RSF1: variants seen among roughly 807,000 people sequenced by gnomAD.
RSF1 encodes HBV pX-associated protein 8.
RSF1 carries 13 observed loss-of-function variants against 145.2 expected under a neutral mutation model. The observed-to-expected ratio is 0.09, with a 90% CI of 0.06 to 0.14. The LOEUF (loss-of-function observed/expected upper bound fraction) is 0.14. Ranked by LOEUF, RSF1 falls within the 10% of genes least tolerant of loss-of-function variation. The pLI, the probability that RSF1 is intolerant of heterozygous loss-of-function variation, is 1.00. For synonymous variants in RSF1, 577 were observed against 592.6 expected (o/e 0.97, Z 0.38); for missense variants, 1,517 against 1,718.2 (o/e 0.88, Z 2.07).
chr11:77,727,256 T>C (rs1001336316), intron 4 of RSF1, among the ~76,000 whole-genome samples: 1 of 152,124 alleles, frequency 6.6e-6, no homozygotes, highest in Non-Finnish European at 1.5e-5. Flanking sequence ...TAAGGATCTA[T>C]GCTTTATTAC....
At chr11:77,700,667 A>T (rs1291299908) in intron 6 of RSF1, 54 bp downstream of exon 6, 1 of 1,338,518 alleles carries the variant, frequency 7.5e-7, no homozygotes, top group Non-Finnish European at 1.0e-6. Context: ...AAACCAAAAA[A>T]CCTATTAATA....
the RSF1 span, among the ~76,000 whole-genome samples, chr11:77,833,790 T>A: frequency 6.6e-6 from 1 of 152,222 alleles, no homozygotes; most frequent in Non-Finnish European, 1.5e-5. Context: ...TAATCGTATA[T>A]TAATACTTAT....
rs902899659 is a variant in RSF1, at chr11:77,662,173, C to T, written c.*4744G>A. On this transcript the variant is annotated 3_prime_UTR_variant, in exon 16 of 16. Transcript: ENST00000308488. ...AAATTTCTACTCATCTATTGTTATGCCCTCTTATATAACTTATGTATAGGA... is the reference window on the plus strand; with the variant it reads ...AAATTTCTACTCATCTATTGTTATGTCCTCTTATATAACTTATGTATAGGA... The T allele has an allele frequency of 7.2e-5, 11 of 151,952 alleles. No individual in the cohort carries two copies. Among genetic ancestry groups the T allele is most frequent in the African/African-American group, 1.9e-4 (8 of 41,386 alleles). The allele number at this position is 151,952 out of a possible 1,614,324, so 9.4% of individuals were successfully genotyped here.
chr11:77,697,746 T>C (rs183760222), intron 7 of RSF1, among the ~76,000 whole-genome samples: 3 of 151,688 alleles, frequency 2.0e-5, no homozygotes, highest in Admixed American at 6.6e-5. Flanking sequence ...TATATATTTA[T>C]AGGGTACATG....
At chr11:77,693,704 C>T in intron 7 of RSF1, 93 bp from the exon 8 acceptor site, 1 of 623,652 alleles carries the variant, frequency 1.6e-6, no homozygotes, top group Non-Finnish European at 2.7e-6. Flanking sequence ...TACTATACTG[C>T]AAAGCACTCT....
At chr11:77,790,654 G>A (rs904545362) in intron 1 of RSF1, among the ~76,000 whole-genome samples, 3 of 152,170 alleles carry the variant, frequency 2.0e-5, no homozygotes, top group Non-Finnish European at 4.4e-5. Flanking sequence ...TACAATGGGG[G>A]TGCAGGAAGT....
intron 12 of RSF1, among the ~76,000 whole-genome samples, chr11:77,677,851 A>G (rs886689653): frequency 2.0e-5 from 3 of 152,256 alleles, no homozygotes; most frequent in Non-Finnish European, 2.9e-5. Context: ...AGGAACATCA[A>G]TGTTTTATAT....
At chr11:77,800,841 T>G (rs533967117) in intron 1 of RSF1, among the ~76,000 whole-genome samples, 55 of 151,500 alleles carry the variant, frequency 3.6e-4, no homozygotes, top group Admixed American at 1.4e-3. Context: ...CAGCTTGGGC[T>G]ACAGTGAGAC....
chr11:77,729,315 A>G (rs1368252124), intron 4 of RSF1, among the ~76,000 whole-genome samples: 1 of 152,228 alleles, frequency 6.6e-6, no homozygotes, highest in Non-Finnish European at 1.5e-5. Flanking sequence ...CGTTCAGATT[A>G]GGGTAGAAAG....
chr11:77,757,894 G>A (rs1948131592), intron 2 of RSF1, among the ~76,000 whole-genome samples: 1 of 152,154 alleles, frequency 6.6e-6, no homozygotes, highest in African/African-American at 2.4e-5. Flanking sequence ...TCAGCACTCT[G>A]GAAGGCTGGG....
chr11:77,673,517 T>C (rs1050207645), intron 14 of RSF1, among the ~76,000 whole-genome samples: 5 of 152,206 alleles, frequency 3.3e-5, no homozygotes, highest in Admixed American at 6.5e-5. Flanking sequence ...GGGAATGTAG[T>C]ATATCCACTG....
intron 1 of RSF1, among the ~76,000 whole-genome samples, chr11:77,816,833 A>G (rs1948786347): frequency 6.6e-6 from 1 of 152,242 alleles, no homozygotes; most frequent in Admixed American, 6.5e-5. Context: ...GGACTAAAGT[A>G]GACTGCAGGG....
intron 1 of RSF1, among the ~76,000 whole-genome samples, chr11:77,807,041 C>T (rs1481291561): frequency 6.6e-6 from 1 of 152,068 alleles, no homozygotes; most frequent in Non-Finnish European, 1.5e-5. Context: ...GGCATGTTAC[C>T]TTTATTTAAT....
intron 1 of RSF1, among the ~76,000 whole-genome samples, chr11:77,784,885 T>A (rs1232159302): frequency 6.6e-6 from 1 of 152,220 alleles, no homozygotes; most frequent in Non-Finnish European, 1.5e-5. Flanking sequence ...TGTTTGCATA[T>A]ACGACCTAGT....
At chr11:77,834,984 A>T in the RSF1 span, among the ~76,000 whole-genome samples, 21 of 152,268 alleles carry the variant, frequency 1.4e-4, no homozygotes, top group African/African-American at 3.4e-4. Flanking sequence ...ATATTTTTAT[A>T]AAAAAAGTAA....
At chr11:77,739,283 G>A (rs571492237) in intron 4 of RSF1, 4 of 152,584 alleles carry the variant, frequency 2.6e-5, no homozygotes, top group African/African-American at 9.6e-5. Flanking sequence ...AATAGTAATC[G>A]TTATTTCACT....
At chr11:77,754,096 G>A (rs1948091702) in intron 2 of RSF1, among the ~76,000 whole-genome samples, 1 of 152,082 alleles carries the variant, frequency 6.6e-6, no homozygotes, top group South Asian at 2.1e-4. Context: ...TTCCACTATT[G>A]CAATTCAGCT....
At chr11:77,747,998 C>A (rs967932248) in intron 2 of RSF1, among the ~76,000 whole-genome samples, 2 of 152,006 alleles carry the variant, frequency 1.3e-5, no homozygotes, top group African/African-American at 4.8e-5. Context: ...AGGAGAAGAA[C>A]CAACACAAGG....
rs374653985 is a variant in RSF1 at position 77,797,286 on chromosome 11, C to T, written c.187+23242G>A. Among the ~76,000 whole-genome samples, 8 of 152,300 alleles carry T rather than the reference C, an allele frequency of 5.3e-5. No individual in the cohort carries two copies. The East Asian group carries it at 7.7e-4, about 15-fold the overall frequency. On this transcript the variant is annotated intron_variant, in intron 1 of 15. Coordinates refer to ENST00000308488, the MANE Select transcript of RSF1 (RefSeq NM_016578.4). ...TACTACAAGGCTAGAGTAACCACAA[C>T]AGCATTGGTACTGGTACCAAAACAG... is the stretch of plus-strand genomic sequence containing the variant.
Sources: allele counts gnomAD v4.1 joint callset (sites outside exome capture counted in the v4.1 genomes callset), GRCh38; gene constraint gnomAD v4.1.1; transcripts MANE v1.5; gene names NCBI Gene and HGNC (gene_info 2026-07-23, HGNC 2026-07-21).